LAMA2: variants seen among roughly 807,000 people sequenced by gnomAD.
The protein encoded by LAMA2 is laminin subunit alpha 2, also known as laminin subunit alpha-2.
Under a neutral mutation model 364.8 loss-of-function variants are expected in LAMA2, and 269 were observed. That is an observed-to-expected ratio of 0.74 (90% CI 0.67 to 0.82). The LOEUF (loss-of-function observed/expected upper bound fraction) is 0.82. LAMA2 is among the 40% of genes least tolerant of loss of function. The pLI is 0.00. For missense variants in LAMA2, 3,807 were observed against 3,873.2 expected, an observed-to-expected ratio of 0.98 and a Z score of 0.45; for synonymous variants, 1,379 against 1,370.6, an observed-to-expected ratio of 1.01 and a Z score of -0.14.
intron 3 of LAMA2, among the ~76,000 whole-genome samples, chr6:129,075,031 T>C (rs1773540707): frequency 6.6e-6 from 1 of 152,082 alleles, no homozygotes; most frequent in Non-Finnish European, 1.5e-5. Flanking sequence ...GTCCTTGCAT[T>C]CCAGGGTTTT....
intron 3 of LAMA2, among the ~76,000 whole-genome samples, chr6:129,076,449 A>G (rs1773642322): frequency 7.0e-6 from 1 of 142,876 alleles, no homozygotes; most frequent in Non-Finnish European, 1.5e-5. Flanking sequence ...TATATAATAT[A>G]TTATATATAA....
chr6:129,515,674 G>A (rs1786998041), intron 64 of LAMA2, among the ~76,000 whole-genome samples: 1 of 152,194 alleles, frequency 6.6e-6, no homozygotes, highest in African/African-American at 2.4e-5. Flanking sequence ...TTTGTTTCAT[G>A]AAGTAACATT....
At chr6:129,489,927 TGTA>T (rs1237768468) in intron 56 of LAMA2, among the ~76,000 whole-genome samples, 1 of 85,342 alleles carries the variant, frequency 1.2e-5, no homozygotes, top group East Asian at 3.6e-4. Flanking sequence ...CCACTGAAAC[TGTA>T]AAAAAAAAAA....
intron 20 of LAMA2, chr6:129,292,872 T>G (rs925224553): frequency 5.1e-6 from 5 of 985,734 alleles, no homozygotes; most frequent in African/African-American, 3.5e-5. Flanking sequence ...TGGCTCTGTG[T>G]CACCGCAATG....
intron 10 of LAMA2, among the ~76,000 whole-genome samples, chr6:129,187,704 G>A (rs917246357): frequency 4.0e-5 from 6 of 151,550 alleles, no homozygotes; most frequent in Admixed American, 1.3e-4. Context: ...GTATTTTTTC[G>A]GATTTTGGAA....
At chr6:129,238,995 A>G (rs1309835646) in intron 12 of LAMA2, among the ~76,000 whole-genome samples, 3 of 152,058 alleles carry the variant, frequency 2.0e-5, no homozygotes, top group Non-Finnish European at 2.9e-5. Flanking sequence ...TTGCCATGGT[A>G]TAGTAGTCAG....
intron 4 of LAMA2, among the ~76,000 whole-genome samples, chr6:129,103,736 C>A (rs1336862252): frequency 2.0e-5 from 3 of 151,868 alleles, no homozygotes; most frequent in Non-Finnish European, 4.4e-5. Context: ...TTAATATATG[C>A]ATATTTTTTT....
At chr6:129,512,541 G>T in intron 63 of LAMA2, 48 bp downstream of exon 63, 1 of 1,594,078 alleles carries the variant, frequency 6.3e-7, no homozygotes, top group Non-Finnish European at 8.6e-7. Flanking sequence ...TGATATTGTT[G>T]ATGTGTAGAT....
At chr6:129,485,827 A>G (rs577570274) in intron 55 of LAMA2, among the ~76,000 whole-genome samples, 4 of 152,310 alleles carry the variant, frequency 2.6e-5, no homozygotes, top group African/African-American at 9.6e-5. Context: ...AGGTGCCCCC[A>G]TACTCCACAA....
At chr6:129,227,604 G>T (rs1784390541) in intron 12 of LAMA2, among the ~76,000 whole-genome samples, 1 of 152,186 alleles carries the variant, frequency 6.6e-6, no homozygotes, top group South Asian at 2.1e-4. Context: ...TCCAGACCCT[G>T]TTTGCCTGGG....
chr6:128,979,976 G>C (rs1242149910), intron 1 of LAMA2, among the ~76,000 whole-genome samples: 2 of 152,288 alleles, frequency 1.3e-5, no homozygotes, highest in East Asian at 1.9e-4. Flanking sequence ...CTAGGCAGAT[G>C]GGCTAGGTTA....
In LAMA2 at chr6:129,366,264, G is replaced by T. The variant is rs138765295; in HGVS notation, c.4763G>T (p.Arg1588Leu). 8.1e-6 allele frequency: 13 copies of T among 1,613,596 alleles called. No individual in the cohort carries two copies. Among genetic ancestry groups the T allele is most frequent in the Admixed American group, 6.7e-5 (4 of 59,966 alleles). The change falls in exon 33 of 65, where the codon CGC (arginine) becomes CTC (leucine). Residue 1588 changes from arginine to leucine, a missense_variant. Arg to Leu is a moderately radical substitution (Grantham distance 102). Coordinates refer to ENST00000421865, the MANE Select transcript of LAMA2 (RefSeq NM_000426.4). ...GGCCTTCTTCTCGGTGACTTGGCTC[G>T]CCTGGAGCAGATGGTCATGAGCATC... Reference protein sequence around the residue: ...CTGLLLGDLARLEQMVMSINL... With the variant: ...CTGLLLGDLALLEQMVMSINL...
chr6:128,950,609 C>A (rs1421176552), intron 1 of LAMA2, among the ~76,000 whole-genome samples: 2 of 152,064 alleles, frequency 1.3e-5, no homozygotes, highest in African/African-American at 4.8e-5. Context: ...CAGGATTGAA[C>A]CTCTTTCTCT....
chr6:129,284,480 C>A (rs1301543474), intron 18 of LAMA2, among the ~76,000 whole-genome samples: 2 of 151,870 alleles, frequency 1.3e-5, no homozygotes, highest in Non-Finnish European at 2.9e-5. Context: ...GAAGACTGTA[C>A]CTTATTTGTA....
At chr6:129,309,740 CTT>C (rs1207687811) in intron 22 of LAMA2, among the ~76,000 whole-genome samples, 2 of 152,116 alleles carry the variant, frequency 1.3e-5, no homozygotes, top group Non-Finnish European at 2.9e-5. Context: ...GCCTTGGAAG[CTT>C]TGTCCATATT....
At chr6:128,933,154 G>A (rs569425885) in intron 1 of LAMA2, among the ~76,000 whole-genome samples, 1 of 152,110 alleles carries the variant, frequency 6.6e-6, no homozygotes, top group Non-Finnish European at 1.5e-5. Flanking sequence ...GCTTATCCAT[G>A]TCATTGCAAA....
chr6:128,996,798 A>G (rs1783971488), intron 1 of LAMA2, among the ~76,000 whole-genome samples: 1 of 152,228 alleles, frequency 6.6e-6, no homozygotes, highest in Non-Finnish European at 1.5e-5. Context: ...AGGATTATAA[A>G]TCATTCTACT....
At chr6:129,187,621 A>C (rs941182409) in intron 10 of LAMA2, among the ~76,000 whole-genome samples, 1 of 151,838 alleles carries the variant, frequency 6.6e-6, no homozygotes, top group Non-Finnish European at 1.5e-5. Flanking sequence ...AAGTTCTAGC[A>C]TACAGGAAGT....
chr6:129,033,573 T>G (rs1051157508), intron 1 of LAMA2, among the ~76,000 whole-genome samples: 2 of 152,220 alleles, frequency 1.3e-5, no homozygotes, highest in African/African-American at 4.8e-5. Flanking sequence ...AAATTTTTTT[T>G]GTTTTCTATA....
Sources: allele counts gnomAD v4.1 joint callset (sites outside exome capture counted in the v4.1 genomes callset), GRCh38; gene constraint gnomAD v4.1.1; transcripts MANE v1.5; gene names NCBI Gene and HGNC (gene_info 2026-07-23, HGNC 2026-07-21).